Variants in IPO9 observed in about 807,000 individuals in gnomAD.
IPO9 encodes the protein importin-9.
IPO9 carries 28 observed loss-of-function variants against 128.6 expected under a neutral mutation model. The ratio of observed to expected loss-of-function variants is 0.22; its 90% CI spans 0.16 to 0.30. IPO9 has a LOEUF of 0.30. IPO9 is among the 10% of genes least tolerant of loss of function. IPO9 has a pLI of 1.00. For missense variants in IPO9, 935 were observed against 1,293.9 expected (o/e 0.72, Z 4.26); for synonymous variants, 455 against 475.8 (o/e 0.96, Z 0.57).
At position 201,829,289 on chromosome 1, in the gene IPO9, A is replaced by G. The variant is rs749786965; in HGVS notation, c.80A>G (p.Asp27Gly). 3 of 1,600,996 alleles carry G rather than the reference A, an allele frequency of 1.9e-6. No individual in the cohort carries two copies. The highest frequency in any genetic ancestry group is 8.5e-7 in the Non-Finnish European group (1 of 1,174,816). ...CAAGGATTAAAGGAAGCGTTAGTGGATACGCTCACCGGGATCCTATCCCCA... is the reference window on the plus strand; with the variant it reads ...CAAGGATTAAAGGAAGCGTTAGTGGGTACGCTCACCGGGATCCTATCCCCA... ...VAQGLKEALV[D>G]TLTGILSPVQ... Residue 27 changes from aspartate to glycine, a missense_variant, in exon 1 of 24, where the codon GAT (aspartate) becomes GGT (glycine). By Grantham distance (94) the Asp-to-Gly change is moderately conservative. Coordinates refer to ENST00000361565, the MANE Select transcript of IPO9 (RefSeq NM_018085.5).
At chr1:201,871,073 T>C (rs1680641986) in intron 18 of IPO9, 88 bp from the exon 19 acceptor site, 1 of 1,376,170 alleles carries the variant, frequency 7.3e-7, no homozygotes, top group Non-Finnish European at 1.0e-6. Context: ...GTGTAGACTG[T>C]ATTTCTTATC....
In IPO9 at chr1:201,852,165, G is replaced by A. The variant is rs148699297; in HGVS notation, c.576G>A (p.Glu192=). The change falls in exon 5 of 24, where the codon GAG becomes GAA. Residue 192 remains glutamate (E), a synonymous_variant. Transcript: ENST00000361565. ...TTGTTGCTCCTGTCATTCTCCCAGAGATGTATAAGATCTTCACCATGGCTG... is the reference window on the plus strand; with the variant it reads ...TTGTTGCTCCTGTCATTCTCCCAGAAATGTATAAGATCTTCACCATGGCTG... ...MPLVAPVILP[E]MYKIFTMAEV... 687 of 1,612,070 alleles carry A rather than the reference G, an allele frequency of 4.3e-4. 1 individual carries two copies. Among genetic ancestry groups the A allele is most frequent in the Non-Finnish European group, 5.6e-4 (658 of 1,178,292 alleles).
chr1:201,834,616 A>G (rs1384769004), intron 1 of IPO9, among the ~76,000 whole-genome samples: 1 of 152,204 alleles, frequency 6.6e-6, no homozygotes, highest in Non-Finnish European at 1.5e-5. Context: ...TCGTGCCAGC[A>G]TGCACAGACT....
chr1:201,871,651 C>T (rs917020917), intron 19 of IPO9, among the ~76,000 whole-genome samples: 1 of 152,098 alleles, frequency 6.6e-6, no homozygotes, highest in Non-Finnish European at 1.5e-5. Context: ...CTTCGGCCTC[C>T]CACAGTGCTG....
At chr1:201,835,361 G>A (rs2102867651) in intron 1 of IPO9, among the ~76,000 whole-genome samples, 1 of 152,342 alleles carries the variant, frequency 6.6e-6, no homozygotes, top group East Asian at 1.9e-4. Flanking sequence ...CATATGGGGT[G>A]ATAAGAGAGA....
chr1:201,852,284 C>A, intron 5 of IPO9, 92 bp downstream of exon 5: 2 of 712,200 alleles, frequency 2.8e-6, no homozygotes, highest in Non-Finnish European at 4.8e-6. Flanking sequence ...TGCAACTGAT[C>A]TCAATACCTA....
intron 1 of IPO9, among the ~76,000 whole-genome samples, chr1:201,844,584 T>C (rs946495147): frequency 1.3e-5 from 2 of 152,250 alleles, no homozygotes; most frequent in Non-Finnish European, 2.9e-5. Context: ...TGATTTTTGA[T>C]CACTGAACCG....
intron 21 of IPO9, 131 bp downstream of exon 21, chr1:201,874,503 G>A: frequency 1.9e-6 from 2 of 1,035,628 alleles, no homozygotes; most frequent in Non-Finnish European, 1.4e-6. Context: ...TCTGTGGCTG[G>A]CACCATGCTA....
chr1:201,863,262 C>T (rs1036394504), intron 13 of IPO9, 186 bp from the exon 14 acceptor site: 3 of 407,218 alleles, frequency 7.4e-6, no homozygotes, highest in African/African-American at 6.0e-5. Context: ...TGAGGCAGGA[C>T]AGTTGCTTGA....
intron 1 of IPO9, among the ~76,000 whole-genome samples, chr1:201,830,561 G>T (rs986519295): frequency 6.6e-6 from 1 of 152,176 alleles, no homozygotes; most frequent in African/African-American, 2.4e-5. Context: ...TAAAATATCA[G>T]ATCTATACAG....
chr1:201,852,891 A>G, intron 5 of IPO9, 120 bp from the exon 6 acceptor site: 1 of 742,324 alleles, frequency 1.3e-6, no homozygotes, highest in Non-Finnish European at 2.4e-6. Context: ...CCATTTCTCG[A>G]GGGCATCCAA....
intron 21 of IPO9, 62 bp downstream of exon 21, chr1:201,874,434 A>G: frequency 1.3e-6 from 2 of 1,556,986 alleles, no homozygotes; most frequent in Non-Finnish European, 8.7e-7. Flanking sequence ...CAAATTGTCA[A>G]ATTATCAACT....
intron 4 of IPO9, 131 bp downstream of exon 4, chr1:201,848,725 T>TA: frequency 2.4e-6 from 2 of 837,078 alleles, no homozygotes; most frequent in Admixed American, 2.2e-5. Context: ...TCCTAGTTTT[T>TA]ATCTCTCCAT....
chr1:201,879,943 G>A lies in IPO9; in HGVS notation c.*3889G>A, dbSNP rs1680854065. 6.6e-6 allele frequency: 1 copy of A among 152,238 alleles called. No individual in the cohort carries two copies. The allele number at this position is 152,238 out of a possible 1,614,324, so 9.4% of individuals were successfully genotyped here. A position where few individuals can be genotyped will look rare whatever the true frequency, so the allele number is the denominator to read the frequency against. ...AATCCCAGCTACTCGGGAGGCTGAG[G>A]CGGGAGAATCACTTGAACCTGGGAG... On this transcript the variant is annotated 3_prime_UTR_variant, in exon 24 of 24. Coordinates refer to ENST00000361565, the MANE Select transcript of IPO9 (RefSeq NM_018085.5).
rs1277284947 is a variant in IPO9, at chr1:201,879,262, C to A, written c.*3208C>A. ...ATTATGGACTTCAGAGAAAATGATG[C>A]TAAACTGGTCTTAGAATCTTCTTTA... On this transcript the variant is annotated 3_prime_UTR_variant, in exon 24 of 24. Coordinates refer to ENST00000361565, the MANE Select transcript of IPO9 (RefSeq NM_018085.5). The A allele has an allele frequency of 6.6e-6, 1 of 152,208 alleles. No homozygotes were observed. The highest frequency in any genetic ancestry group is 1.5e-5 in the Non-Finnish European group (1 of 68,034). The allele number at this position is 152,208 out of a possible 1,614,324, so 9.4% of individuals were successfully genotyped here. A position where few individuals can be genotyped will look rare whatever the true frequency, so the allele number is the denominator to read the frequency against.
At position 201,875,948 on chromosome 1, in the gene IPO9, A is replaced by G; in HGVS notation, c.3020A>G (p.Tyr1007Cys). The G allele has an allele frequency of 6.2e-7, 1 of 1,601,816 alleles. No homozygotes were observed. The highest frequency in any genetic ancestry group is 8.6e-7 in the Non-Finnish European group (1 of 1,168,840). Residue 1007 changes from tyrosine (Y) to cysteine (C), a missense_variant, in exon 24 of 24, where the codon TAT becomes TGT. Around this residue, in one of 3 missense-constraint regions of IPO9, gnomAD observed 188 missense variants for 246.7 expected, o/e 0.76. Coordinates refer to ENST00000361565, the MANE Select transcript of IPO9 (RefSeq NM_018085.5). ...DPLYQIDLQA[Y>C]LTDFLCQFAQ... ...CACTCTTGCTCTTTCCTCCAGGCAT[A>G]TCTCACAGATTTCCTCTGCCAGTTT...
rs75888635 is a variant in IPO9 at position 201,875,859 on chromosome 1, T to C, written c.3016-85T>C. On this transcript the variant is annotated intron_variant, in intron 23 of 23. Transcript: ENST00000361565. ...CATTTGTCTAAAAACCAGCATTCCCTGTGCCATTTGATTGTGGTTCTTGCT... is the reference window on the plus strand; with the variant it reads ...CATTTGTCTAAAAACCAGCATTCCCCGTGCCATTTGATTGTGGTTCTTGCT... 2.4e-3 allele frequency: 1,972 copies of C among 819,076 alleles called. 27 individuals carry two copies. The African/African-American group carries it at 0.03, about 12-fold the overall frequency. 50.7% of individuals were successfully genotyped at this position (819,076 alleles called of 1,614,324 possible).
intron 1 of IPO9, among the ~76,000 whole-genome samples, chr1:201,841,815 G>A (rs1680041192): frequency 6.6e-6 from 1 of 152,152 alleles, no homozygotes; most frequent in African/African-American, 2.4e-5. Context: ...AAATAAGATA[G>A]TATTGGATTA....
At position 201,870,542 on chromosome 1, in the gene IPO9, C is replaced by T; in HGVS notation, c.2134-41C>T. 1 of 1,591,064 alleles carries T rather than the reference C, an allele frequency of 6.3e-7. No homozygotes were observed. On this transcript the variant is annotated intron_variant, in intron 17 of 23. Transcript: ENST00000361565. The surrounding 1 kb of genome is among the most constrained non-coding windows in gnomAD (Gnocchi z 4.9). ...AGACTGAGGGCCTTCTGGCATCTGT[C>T]CCTCGATTACTAATCTTGCTTGCCA...
Sources: allele counts gnomAD v4.1 joint callset (sites outside exome capture counted in the v4.1 genomes callset), GRCh38; gene constraint gnomAD v4.1.1; regional missense constraint gnomAD v4.1.1; non-coding constraint Gnocchi (gnomAD v3.1); transcripts MANE v1.5; gene names NCBI Gene and HGNC (gene_info 2026-07-23, HGNC 2026-07-21).